The following UTRN variants were observed in gnomAD, a reference collection of about 807,000 sequenced individuals.
UTRN encodes the protein dystrophin-related protein 1.
In UTRN, 283 loss-of-function variants were observed where a neutral mutation model predicts 463.9. The observed-to-expected ratio is 0.61, with a 90% CI of 0.55 to 0.67. The LOEUF (loss-of-function observed/expected upper bound fraction) is 0.67, where lower values mean the gene tolerates loss of function less well. Among genes scored for constraint, UTRN ranks in the 30% least tolerant of loss-of-function variants. The pLI is 0.00. For synonymous variants in UTRN, 1,442 were observed against 1,431.5 expected (o/e 1.01, Z -0.17); for missense variants, 3,922 against 4,084.3 (o/e 0.96, Z 1.08).
rs1392135798 is a variant in UTRN at position 144,606,799 on chromosome 6, G to T, written c.7479+29511G>T. On this transcript the variant is annotated intron_variant, in intron 51 of 74. Coordinates refer to ENST00000367545, the MANE Select transcript of UTRN (RefSeq NM_007124.3). ...TTTTATCCTGGAATTTCTGTTTGAG[G>T]TGTAAGTGCCAATATTAACTTTAAA... Among the ~76,000 whole-genome samples, 9 of 152,256 alleles carry T rather than the reference G, an allele frequency of 5.9e-5. No individual in the cohort carries two copies. In the East Asian group the frequency reaches 1.7e-3, roughly 29 times the overall value.
chr6:144,815,434 C>A (rs1480191549), intron 65 of UTRN, among the ~76,000 whole-genome samples: 1 of 152,162 alleles, frequency 6.6e-6, no homozygotes, highest in African/African-American at 2.4e-5. Context: ...GGTGAAGTCC[C>A]ACAGTAGGCT....
chr6:144,650,444 T>C (rs9497035), intron 51 of UTRN, among the ~76,000 whole-genome samples: 3,855 of 152,314 alleles, frequency 0.025, 162 homozygotes, highest in African/African-American at 0.086. Flanking sequence ...TTGTTTGAGA[T>C]GATATGTATG....
At chr6:144,367,893 T>C (rs1343054846) in intron 2 of UTRN, among the ~76,000 whole-genome samples, 1 of 152,162 alleles carries the variant, frequency 6.6e-6, no homozygotes, top group African/African-American at 2.4e-5. Context: ...GTGATTCTCA[T>C]GCCTCAGCCT....
At chr6:144,810,243 C>T (rs769150483) in intron 65 of UTRN, among the ~76,000 whole-genome samples, 5 of 152,134 alleles carry the variant, frequency 3.3e-5, no homozygotes, top group Non-Finnish European at 5.9e-5. Context: ...GATCTTGCTA[C>T]GTCTGCTGTT....
chr6:144,818,629 AAG>A (rs1779290637), intron 65 of UTRN, among the ~76,000 whole-genome samples: 1 of 152,254 alleles, frequency 6.6e-6, no homozygotes, highest in Non-Finnish European at 1.5e-5. Flanking sequence ...AGAACAGACA[AAG>A]AAATAAATTG....
chr6:144,487,932 A>G (rs1344687291), intron 29 of UTRN, among the ~76,000 whole-genome samples: 1 of 152,244 alleles, frequency 6.6e-6, no homozygotes, highest in African/African-American at 2.4e-5. Flanking sequence ...ACTTCTACTT[A>G]CAAACATTTA....
intron 50 of UTRN, among the ~76,000 whole-genome samples, chr6:144,575,807 A>G (rs1801381012): frequency 6.6e-6 from 1 of 152,142 alleles, no homozygotes; most frequent in South Asian, 2.1e-4. Context: ...AAAATTCATC[A>G]GGATTTTTAG....
intron 51 of UTRN, among the ~76,000 whole-genome samples, chr6:144,663,023 G>T (rs1035608112): frequency 5.3e-5 from 8 of 152,120 alleles, no homozygotes; most frequent in Non-Finnish European, 1.0e-4. Flanking sequence ...GGCAGGATGG[G>T]CAATTTCTTA....
intron 2 of UTRN, chr6:144,398,484 G>A: frequency 2.8e-6 from 1 of 363,626 alleles, no homozygotes; most frequent in Non-Finnish European, 5.4e-6. Flanking sequence ...CCAATTATTG[G>A]TTATCCAGGA....
rs999649670 is a variant in UTRN at position 144,650,675 on chromosome 6, C to T, written c.7480-27731C>T. 3.9e-5 allele frequency among the ~76,000 whole-genome samples: 6 copies of T among 152,250 alleles called. No individual in the cohort carries two copies. The East Asian group carries it at 9.7e-4, about 25-fold the overall frequency. ...CCTGTAACCCTAGCACTTTAGGAGG[C>T]CAAGGCGGGCAGATCACAAGGTCAG... On this transcript the variant is annotated intron_variant, in intron 51 of 74. Transcript: ENST00000367545.
chr6:144,783,905 T>G (rs1389082430), intron 61 of UTRN, among the ~76,000 whole-genome samples: 3 of 152,204 alleles, frequency 2.0e-5, no homozygotes, highest in African/African-American at 4.8e-5. Context: ...TGTCTGATAT[T>G]TTTTAATACA....
intron 54 of UTRN, 87 bp from the exon 55 acceptor site, chr6:144,748,159 T>A (rs1014117782): frequency 6.8e-7 from 1 of 1,460,780 alleles, no homozygotes; most frequent in African/African-American, 1.4e-5. Context: ...TCCGTATTTC[T>A]CAGTAACGAT....
chr6:144,618,245 G>T (rs1438858049), intron 51 of UTRN, among the ~76,000 whole-genome samples: 1 of 152,034 alleles, frequency 6.6e-6, no homozygotes, highest in African/African-American at 2.4e-5. Context: ...TCCACTGGAG[G>T]TTTTACCTCT....
intron 74 of UTRN, among the ~76,000 whole-genome samples, chr6:144,848,413 C>A (rs1379882456): frequency 1.3e-5 from 2 of 152,104 alleles, no homozygotes; most frequent in Non-Finnish European, 1.5e-5. Flanking sequence ...TACAGTGATT[C>A]AAGGGAAGAG....
chr6:144,629,794 T>A (rs1776323357), intron 51 of UTRN, among the ~76,000 whole-genome samples: 1 of 152,248 alleles, frequency 6.6e-6, no homozygotes, highest in Non-Finnish European at 1.5e-5. Flanking sequence ...CTTTGTAATT[T>A]AATTTATTTG....
intron 2 of UTRN, among the ~76,000 whole-genome samples, chr6:144,294,606 T>C (rs1331662510): frequency 1.3e-5 from 2 of 151,114 alleles, no homozygotes; most frequent in African/African-American, 4.9e-5. Context: ...TGGGGGGAAA[T>C]TGGATGAAAG....
intron 54 of UTRN, among the ~76,000 whole-genome samples, chr6:144,742,402 A>G (rs1231564789): frequency 1.3e-5 from 2 of 152,198 alleles, no homozygotes; most frequent in African/African-American, 4.8e-5. Flanking sequence ...AATGGATCTT[A>G]ATCACTTTAT....
rs1056814462 is a variant in UTRN, at chr6:144,577,456, T to C, written c.7479+168T>C. The stretch of plus-strand genomic sequence containing the variant: ...TTCTTGAAATAAGCTCTATTAGATA[T>C]TTTTACTTAATGTTAGAGGGGAAAA... On this transcript the variant is annotated intron_variant, in intron 51 of 74. Transcript: ENST00000367545. 1.3e-5 allele frequency among the ~76,000 whole-genome samples: 2 copies of C among 152,194 alleles called. 1 individual carries two copies. The highest frequency in any genetic ancestry group is 1.3e-4 in the Admixed American group (2 of 15,276).
intron 4 of UTRN, 132 bp downstream of exon 4, chr6:144,422,102 C>A: frequency 1.5e-6 from 1 of 670,578 alleles, no homozygotes; most frequent in Non-Finnish European, 2.3e-6. Flanking sequence ...AAATTCGGAA[C>A]ATTTTTAACA....
Sources: gnomAD v4.1 joint callset for allele counts (sites outside exome capture counted in the v4.1 genomes callset) on GRCh38, gnomAD v4.1.1 for gene constraint, MANE v1.5 for transcripts, NCBI Gene and HGNC (gene_info 2026-07-23, HGNC 2026-07-21) for gene names.